The following TSHZ3 variants were observed in gnomAD, a reference collection of about 807,000 sequenced individuals.
TSHZ3 encodes teashirt homolog 3.
Under a neutral mutation model 64.5 loss-of-function variants are expected in TSHZ3, and 10 were observed. That is an observed-to-expected ratio of 0.16 (90% CI 0.10 to 0.26). TSHZ3 has a LOEUF of 0.26. Among genes scored for constraint, TSHZ3 ranks in the 10% least tolerant of loss-of-function variants. The pLI, the probability that TSHZ3 is intolerant of heterozygous loss-of-function variation, is 1.00. For missense variants in TSHZ3, 1,242 were observed against 1,421.7 expected (o/e 0.87, Z 2.03); for synonymous variants, 608 against 593.1 (o/e 1.03, Z -0.36).
At chr19:31,207,584 C>T (rs917804965) in intron 4 of TSHZ3, 7 of 152,090 alleles carry the variant, frequency 4.6e-5, no homozygotes, top group African/African-American at 1.2e-4. Flanking sequence ...TAAGGGAAAA[C>T]TGAGACTGGA....
intron 3 of TSHZ3, among the ~76,000 whole-genome samples, chr19:31,229,628 G>C (rs1057248731): frequency 1.3e-5 from 2 of 152,138 alleles, no homozygotes; most frequent in African/African-American, 2.4e-5. Context: ...TGATGAAATT[G>C]ATCACATGTA....
At chr19:31,330,672 C>CT (rs1475908382) in intron 1 of TSHZ3, among the ~76,000 whole-genome samples, 2 of 149,368 alleles carry the variant, frequency 1.3e-5, no homozygotes, top group African/African-American at 5.0e-5. Context: ...CATCAATGTG[C>CT]TTTTAACAAG....
At chr19:31,209,281 G>A (rs562783708) in intron 4 of TSHZ3, among the ~76,000 whole-genome samples, 6 of 152,162 alleles carry the variant, frequency 3.9e-5, no homozygotes, top group Non-Finnish European at 7.3e-5. Flanking sequence ...AAAAGTAATG[G>A]GAACAATGAA....
At chr19:31,250,353 A>G (rs1008798981) in intron 1 of TSHZ3, among the ~76,000 whole-genome samples, 1 of 152,174 alleles carries the variant, frequency 6.6e-6, no homozygotes, top group African/African-American at 2.4e-5. Flanking sequence ...GGATCTCCCC[A>G]TCTCTAATCC....
chr19:31,222,882 G>T (rs1057502906), intron 4 of TSHZ3, among the ~76,000 whole-genome samples: 1 of 152,122 alleles, frequency 6.6e-6, no homozygotes, highest in Admixed American at 6.5e-5. Flanking sequence ...TTAGAAATGA[G>T]ATGTGAAAAT....
intron 1 of TSHZ3, among the ~76,000 whole-genome samples, chr19:31,305,972 T>G (rs1166096731): frequency 1.3e-5 from 2 of 152,204 alleles, no homozygotes; most frequent in Admixed American, 6.6e-5. Flanking sequence ...AAAAAAAAAT[T>G]TCACTTGAAA....
chr19:31,293,434 T>C (rs1421454231), intron 1 of TSHZ3, among the ~76,000 whole-genome samples: 1 of 152,230 alleles, frequency 6.6e-6, no homozygotes, highest in African/African-American at 2.4e-5. Context: ...CACACAGAGA[T>C]GCTAGTCTTC....
chr19:31,272,980 C>T (rs184398122), downstream of TSHZ3, among the ~76,000 whole-genome samples: 32 of 152,246 alleles, frequency 2.1e-4, no homozygotes, highest in Middle Eastern at 3.4e-3. Context: ...ACAGCAACCG[C>T]AGAACATGAG....
At chr19:31,302,836 G>A (rs1454191465) in intron 1 of TSHZ3, among the ~76,000 whole-genome samples, 1 of 152,160 alleles carries the variant, frequency 6.6e-6, no homozygotes, top group Non-Finnish European at 1.5e-5. Flanking sequence ...GGAAGCCAAA[G>A]GGTCTAGCTC....
At chr19:31,302,460 G>C (rs1257262158) in intron 1 of TSHZ3, among the ~76,000 whole-genome samples, 2 of 152,198 alleles carry the variant, frequency 1.3e-5, no homozygotes, top group Non-Finnish European at 2.9e-5. Flanking sequence ...TCCAGTACTT[G>C]TGGTCATTTT....
chr19:31,306,416 A>T (rs554008261), intron 1 of TSHZ3, among the ~76,000 whole-genome samples: 1 of 152,222 alleles, frequency 6.6e-6, no homozygotes, highest in South Asian at 2.1e-4. Context: ...TTAAAGATAC[A>T]GTTAATGCAA....
At chr19:31,185,241 C>T (rs543078872) in intron 5 of TSHZ3, among the ~76,000 whole-genome samples, 1 of 152,296 alleles carries the variant, frequency 6.6e-6, no homozygotes, top group East Asian at 1.9e-4. Flanking sequence ...TGGGCCTCCT[C>T]CGGAGCTGGG....
chr19:31,261,010 G>A (rs1975977688), intron 1 of TSHZ3, among the ~76,000 whole-genome samples: 1 of 152,196 alleles, frequency 6.6e-6, no homozygotes, highest in African/African-American at 2.4e-5. Flanking sequence ...GGTGGCCAGG[G>A]AAGGATGCCT....
At chr19:31,326,504 G>A (rs1422993524) in intron 1 of TSHZ3, among the ~76,000 whole-genome samples, 8 of 152,368 alleles carry the variant, frequency 5.3e-5, no homozygotes, top group South Asian at 4.1e-4. Context: ...ATGTGCACAC[G>A]TGCCTGCGTG....
At chr19:31,190,867 TA>T (rs922637077) in intron 5 of TSHZ3, among the ~76,000 whole-genome samples, 6 of 133,762 alleles carry the variant, frequency 4.5e-5, no homozygotes, top group African/African-American at 8.7e-5. Flanking sequence ...AAAAGCTATT[TA>T]AAAAAAATAA....
chr19:31,229,868 T>G (rs1033315857), intron 3 of TSHZ3, among the ~76,000 whole-genome samples: 2 of 152,202 alleles, frequency 1.3e-5, no homozygotes, highest in Non-Finnish European at 2.9e-5. Flanking sequence ...TGAAACACGA[T>G]TTTTCAGCTA....
rs12460401 is a variant in TSHZ3 at position 31,282,667 on chromosome 19, G to A, written c.41-2915C>T. Reference sequence around the variant, plus strand: ...CCTCTCCTGGGCTGGCCCACAACACGCTCTGATATGCTTTGTAAACTACAC... The same window carrying A: ...CCTCTCCTGGGCTGGCCCACAACACACTCTGATATGCTTTGTAAACTACAC... On this transcript the variant is annotated intron_variant, in intron 1 of 1. Coordinates refer to ENST00000240587, the MANE Select transcript of TSHZ3 (RefSeq NM_020856.4). 9.8e-3 allele frequency among the ~76,000 whole-genome samples: 1,485 copies of A among 152,228 alleles called. 10 individuals carry two copies. Among genetic ancestry groups the A allele is most frequent in the Non-Finnish European group, 0.015 (1,036 of 68,022 alleles).
At chr19:31,219,935 G>A (rs1975377493) in intron 4 of TSHZ3, among the ~76,000 whole-genome samples, 1 of 151,474 alleles carries the variant, frequency 6.6e-6, no homozygotes, top group South Asian at 2.1e-4. Context: ...ATTGATCTTT[G>A]GAAAGATCAA....
intron 4 of TSHZ3, among the ~76,000 whole-genome samples, chr19:31,227,253 T>C (rs933463558): frequency 6.6e-6 from 1 of 151,986 alleles, no homozygotes; most frequent in Non-Finnish European, 1.5e-5. Flanking sequence ...GTGCTGGGAT[T>C]ACAGGAATGA....
Sources: gnomAD v4.1 joint callset for allele counts (sites outside exome capture counted in the v4.1 genomes callset) on GRCh38, gnomAD v4.1.1 for gene constraint, MANE v1.5 for transcripts, NCBI Gene and HGNC (gene_info 2026-07-23, HGNC 2026-07-21) for gene names.